The following PRDM5 variants were observed in gnomAD, a reference collection of about 807,000 sequenced individuals.
The protein encoded by PRDM5 is PR/SET domain 5.
Under a neutral mutation model 81.2 loss-of-function variants are expected in PRDM5, and 56 were observed. The ratio of observed to expected loss-of-function variants is 0.69; its 90% CI spans 0.56 to 0.86. PRDM5 has a LOEUF of 0.86. Among genes scored for constraint, PRDM5 ranks in the 40% least tolerant of loss-of-function variants. PRDM5 has a pLI of 0.00. For missense variants in PRDM5, 697 were observed against 770.1 expected (o/e 0.91, Z 1.12); for synonymous variants, 267 against 256.4 (o/e 1.04, Z -0.39).
intron 2 of PRDM5, among the ~76,000 whole-genome samples, chr4:120,877,101 A>C (rs933745246): frequency 1.3e-5 from 2 of 152,212 alleles, no homozygotes; most frequent in Admixed American, 1.3e-4. Context: ...ACTTGCTGAA[A>C]AATAACTCCA....
At chr4:120,775,316 T>C (rs941542322) in intron 13 of PRDM5, among the ~76,000 whole-genome samples, 38 of 152,284 alleles carry the variant, frequency 2.5e-4, no homozygotes, top group African/African-American at 7.2e-4. Flanking sequence ...AAAATCCTCT[T>C]ATTATTGTAA....
chr4:120,886,584 T>C (rs1763455168), intron 2 of PRDM5, among the ~76,000 whole-genome samples: 1 of 152,176 alleles, frequency 6.6e-6, no homozygotes, highest in African/African-American at 2.4e-5. Context: ...AGTTAATCAG[T>C]TGTTTCCTTT....
intron 3 of PRDM5, among the ~76,000 whole-genome samples, chr4:120,852,544 T>C (rs1013699871): frequency 2.0e-5 from 3 of 152,098 alleles, no homozygotes; most frequent in African/African-American, 7.2e-5. Context: ...ATATCAGCTC[T>C]TCCTGGTTCT....
intron 14 of PRDM5, among the ~76,000 whole-genome samples, chr4:120,752,520 A>T (rs948608055): frequency 6.6e-6 from 1 of 152,128 alleles, no homozygotes; most frequent in African/African-American, 2.4e-5. Flanking sequence ...CTGACAAGGG[A>T]CCATCTGCAG....
intron 4 of PRDM5, 28 bp downstream of exon 4, chr4:120,821,143 C>T (rs1755205498): frequency 1.2e-6 from 2 of 1,609,458 alleles, no homozygotes; most frequent in African/African-American, 1.3e-5. Context: ...CTTTTCTTCT[C>T]CCAGATCACC....
intron 15 of PRDM5, among the ~76,000 whole-genome samples, chr4:120,709,147 C>A (rs6841589): frequency 6.6e-6 from 1 of 151,950 alleles, no homozygotes; most frequent in South Asian, 2.1e-4. Flanking sequence ...AGTTAAATGT[C>A]ATGGTAGAAA....
intron 14 of PRDM5, among the ~76,000 whole-genome samples, chr4:120,734,623 T>G (rs1011104358): frequency 6.6e-5 from 10 of 152,250 alleles, no homozygotes; most frequent in African/African-American, 2.4e-4. Context: ...TCCCTTCCCT[T>G]GGCTTCAGTG....
chr4:120,862,199 G>T (rs2148502431), intron 2 of PRDM5, among the ~76,000 whole-genome samples: 1 of 152,280 alleles, frequency 6.6e-6, no homozygotes, highest in Admixed American at 6.5e-5. Context: ...AACATCCTTT[G>T]TCAGTAAACA....
In PRDM5 at chr4:120,798,435, A is replaced by C; in HGVS notation, c.1031-11T>G. The stretch of plus-strand genomic sequence containing the variant: ...TATAGGGTCGTTTTTCTATTAAAAA[A>C]ATGAGTGGAGACAATCTCATATCTA... On this transcript the variant is annotated splice_polypyrimidine_tract_variant and intron_variant, in intron 9 of 15. Transcript: ENST00000264808. 6.3e-7 allele frequency: 1 copy of C among 1,595,168 alleles called. No homozygotes were observed. Among genetic ancestry groups the C allele is most frequent in the Non-Finnish European group, 8.6e-7 (1 of 1,163,254 alleles).
intron 14 of PRDM5, among the ~76,000 whole-genome samples, chr4:120,739,156 T>G (rs538449056): frequency 6.6e-6 from 1 of 152,146 alleles, no homozygotes; most frequent in Non-Finnish European, 1.5e-5. Flanking sequence ...TGGTGATTGG[T>G]CCCAAGAGAT....
chr4:120,912,601 T>G (rs1766646316), intron 1 of PRDM5, among the ~76,000 whole-genome samples: 1 of 152,174 alleles, frequency 6.6e-6, no homozygotes, highest in Admixed American at 6.5e-5. Flanking sequence ...ATAAAAACAT[T>G]TTTAGGCAAT....
Position 120,811,378 on chromosome 4 carries a change from G to C in PRDM5, c.937C>G (p.His313Asp). 6.3e-7 allele frequency: 1 copy of C among 1,591,234 alleles called. No individual in the cohort carries two copies. Among genetic ancestry groups the C allele is most frequent in the South Asian group, 1.1e-5 (1 of 89,068 alleles). ...KCSSASSLQE[H>D]RKIHEIFDCQ... ...ATTTTTATCTTACTGACCTTTCTATGTTCCTGTAGGCTTGATGCTGAAGAA... is the reference window on the plus strand; with the variant it reads ...ATTTTTATCTTACTGACCTTTCTATCTTCCTGTAGGCTTGATGCTGAAGAA... The change falls in exon 8 of 16, where the codon CAT becomes GAT. Residue 313 changes from histidine (H) to aspartate (D), a missense_variant. His to Asp is a moderately conservative substitution (Grantham distance 81, BLOSUM62 -1). This residue lies in a region of PRDM5 where 577 missense variants were observed against 606.7 expected (regional missense o/e 0.95). Coordinates refer to ENST00000264808, the MANE Select transcript of PRDM5 (RefSeq NM_018699.4).
intron 14 of PRDM5, among the ~76,000 whole-genome samples, chr4:120,718,146 T>TAC (rs947109457): frequency 1.8e-4 from 28 of 152,226 alleles, no homozygotes; most frequent in African/African-American, 6.8e-4. Context: ...GCACTAGGGA[T>TAC]ACACCTTTTC....
intron 3 of PRDM5, among the ~76,000 whole-genome samples, chr4:120,849,096 T>C (rs746289785): frequency 4.0e-4 from 61 of 152,190 alleles, no homozygotes; most frequent in Non-Finnish European, 6.5e-4. Context: ...TAAATCCTTT[T>C]GGTATTTATT....
intron 13 of PRDM5, among the ~76,000 whole-genome samples, chr4:120,769,029 A>G (rs9991423): frequency 0.78 from 118,284 of 152,184 alleles, 46,212 homozygotes; most frequent in East Asian, 0.87. Flanking sequence ...AGCACTTCTC[A>G]AAGTGAATGT....
intron 3 of PRDM5, among the ~76,000 whole-genome samples, chr4:120,822,028 G>T (rs148605659): frequency 6.5e-4 from 99 of 151,544 alleles, no homozygotes; most frequent in Admixed American, 4.6e-4. Context: ...AGACATAGTC[G>T]AAATAATAGA....
In PRDM5 at chr4:120,816,568, C is replaced by T. The variant is rs141378225; in HGVS notation, c.750G>A (p.Glu250=). 2.2e-5 allele frequency: 36 copies of T among 1,614,056 alleles called. No individual in the cohort carries two copies. In the Admixed American group the frequency reaches 3.0e-4, roughly 13 times the overall value. ...NSSFSSASSF[E]QHQETCRGDA... is the part of the protein sequence containing the mutation. ...CCCCCCGGCAAGTCTCCTGGTGCTG[C>T]TCAAAACTACAAGACAACCAGCAAA... Residue 250 remains glutamate, a synonymous_variant, in exon 7 of 16, where the codon GAG becomes GAA. Transcript: ENST00000264808.
intron 14 of PRDM5, among the ~76,000 whole-genome samples, chr4:120,728,029 A>G (rs1308450004): frequency 6.6e-6 from 1 of 152,064 alleles, no homozygotes; most frequent in Non-Finnish European, 1.5e-5. Context: ...GCTGGTCCTT[A>G]GATGAGTGGT....
chr4:120,798,448 A>G (rs190397274), intron 9 of PRDM5, 24 bp from the exon 10 acceptor site: 99 of 1,559,342 alleles, frequency 6.3e-5, no homozygotes, highest in Non-Finnish European at 8.4e-5. Context: ...GAGTGGAGAC[A>G]ATCTCATATC....
Sources: allele counts gnomAD v4.1 joint callset (sites outside exome capture counted in the v4.1 genomes callset), GRCh38; gene constraint gnomAD v4.1.1; regional missense constraint gnomAD v4.1.1; transcripts MANE v1.5; gene names NCBI Gene and HGNC (gene_info 2026-07-23, HGNC 2026-07-21).